TRAPPC9: variants seen among roughly 807,000 people sequenced by gnomAD.
TRAPPC9 encodes the protein IKK2 binding protein.
A neutral mutation model predicts 124.0 loss-of-function variants in TRAPPC9; 83 were observed. The observed-to-expected ratio is 0.67, with a 90% CI of 0.56 to 0.80. TRAPPC9 has a LOEUF of 0.80. TRAPPC9 is among the 30% of genes least tolerant of loss of function. TRAPPC9 has a pLI of 0.00. For synonymous variants in TRAPPC9, 638 were observed against 617.5 expected, an observed-to-expected ratio of 1.03 and a Z score of -0.49; for missense variants, 1,302 against 1,508.3, an observed-to-expected ratio of 0.86 and a Z score of 2.27.
At chr8:140,064,431 C>T (rs184920959) in intron 17 of TRAPPC9, among the ~76,000 whole-genome samples, 13 of 152,222 alleles carry the variant, frequency 8.5e-5, no homozygotes, top group African/African-American at 2.6e-4. Context: ...TATAAAGGCT[C>T]TTAGGAAACC....
chr8:140,336,011 A>G (rs1405231566), intron 9 of TRAPPC9, among the ~76,000 whole-genome samples: 1 of 152,056 alleles, frequency 6.6e-6, no homozygotes, highest in African/African-American at 2.4e-5. Flanking sequence ...CCTGGCCAAC[A>G]ATATTTTTTA....
intron 17 of TRAPPC9, among the ~76,000 whole-genome samples, chr8:140,218,493 T>C (rs1347846227): frequency 8.6e-5 from 13 of 152,002 alleles, no homozygotes; most frequent in Admixed American, 8.5e-4. Flanking sequence ...CTGTGGCATT[T>C]TAGACAGGGG....
At chr8:140,419,445 A>AAAAC (rs1554683862) in intron 5 of TRAPPC9, among the ~76,000 whole-genome samples, 1 of 145,332 alleles carries the variant, frequency 6.9e-6, no homozygotes, top group Non-Finnish European at 1.5e-5. Flanking sequence ...AAAAAAAAAA[A>AAAAC]AAAAAAACAA....
intron 9 of TRAPPC9, among the ~76,000 whole-genome samples, chr8:140,318,127 G>A (rs1428254560): frequency 6.6e-6 from 1 of 152,170 alleles, no homozygotes. Context: ...AAAAGCAAGA[G>A]ATGAAGTAAA....
chr8:140,037,099 A>C (rs1334552039), intron 17 of TRAPPC9, among the ~76,000 whole-genome samples: 1 of 152,062 alleles, frequency 6.6e-6, no homozygotes, highest in African/African-American at 2.4e-5. Context: ...GATGTATTTC[A>C]AATTTTTACA....
intron 6 of TRAPPC9, among the ~76,000 whole-genome samples, chr8:140,402,191 A>T (rs2069300994): frequency 6.6e-6 from 1 of 151,734 alleles, no homozygotes. Context: ...ACATGGACAG[A>T]CCCTGTCATT....
At chr8:139,748,979 C>T (rs552594289) in intron 21 of TRAPPC9, among the ~76,000 whole-genome samples, 65 of 152,120 alleles carry the variant, frequency 4.3e-4, no homozygotes, top group Admixed American at 7.9e-4. Context: ...AGCAGGGAGA[C>T]AGCAGGAGGA....
intron 17 of TRAPPC9, among the ~76,000 whole-genome samples, chr8:140,214,998 A>T (rs750040155): frequency 6.6e-6 from 1 of 152,202 alleles, no homozygotes; most frequent in Non-Finnish European, 1.5e-5. Flanking sequence ...GCTCTGTAAC[A>T]AGCTCATGGT....
chr8:140,009,938 A>T (rs1839014691), intron 18 of TRAPPC9, among the ~76,000 whole-genome samples: 1 of 152,162 alleles, frequency 6.6e-6, no homozygotes, highest in South Asian at 2.1e-4. Flanking sequence ...GGAGGGAGAG[A>T]GGGAGGGAAG....
intron 17 of TRAPPC9, among the ~76,000 whole-genome samples, chr8:140,141,559 C>T (rs1025844800): frequency 1.7e-4 from 26 of 152,210 alleles, no homozygotes; most frequent in African/African-American, 6.0e-4. Context: ...ACCCATGAGT[C>T]CTTCTAGATA....
Position 139,977,388 on chromosome 8 carries a change from G to A in TRAPPC9, c.2810+11338C>T, listed in dbSNP as rs375849035. 2.2e-3 allele frequency among the ~76,000 whole-genome samples: 329 copies of A among 152,126 alleles called. 1 individual carries two copies. The highest frequency in any genetic ancestry group is 0.013 in the East Asian group (64 of 5,094). ...TGTAATCCCAGCACTTTGGGAGGCC[G>A]AGGCGGGTGGATCACGAGGTCAGAT... On this transcript the variant is annotated intron_variant, in intron 19 of 22. Coordinates refer to ENST00000438773, the MANE Select transcript of TRAPPC9 (RefSeq NM_001160372.4).
At chr8:140,022,715 A>C (rs578255842) in intron 18 of TRAPPC9, among the ~76,000 whole-genome samples, 3 of 152,202 alleles carry the variant, frequency 2.0e-5, no homozygotes, top group African/African-American at 7.2e-5. Flanking sequence ...ATCCTGGCCA[A>C]GCTTCCCCAG....
intron 17 of TRAPPC9, among the ~76,000 whole-genome samples, chr8:140,094,506 C>A (rs1844796454): frequency 6.6e-6 from 1 of 152,188 alleles, no homozygotes; most frequent in Admixed American, 6.5e-5. Context: ...AAACGTCTTG[C>A]CTTTGGCCAC....
rs575291235 is a variant in TRAPPC9 at position 140,225,326 on chromosome 8, T to C, written c.2432-3743A>G. Reference sequence around the variant, plus strand: ...TTACAGGGTCAAATCCAGTATTTAGTTGACACGCACACAGTTTACACACAC... The same window carrying C: ...TTACAGGGTCAAATCCAGTATTTAGCTGACACGCACACAGTTTACACACAC... On this transcript the variant is annotated intron_variant, in intron 16 of 22. Coordinates refer to ENST00000438773, the MANE Select transcript of TRAPPC9 (RefSeq NM_001160372.4). Among the ~76,000 whole-genome samples the C allele has an allele frequency of 2.0e-5, 3 of 152,328 alleles. No individual in the cohort carries two copies. The South Asian group carries it at 6.2e-4, about 32-fold the overall frequency.
chr8:140,154,230 C>A (rs1656812264), intron 17 of TRAPPC9, among the ~76,000 whole-genome samples: 1 of 152,112 alleles, frequency 6.6e-6, no homozygotes, highest in African/African-American at 2.4e-5. Context: ...AATCTGTGAG[C>A]CATTACTGAT....
chr8:140,204,974 A>G (rs1036729457), intron 17 of TRAPPC9, among the ~76,000 whole-genome samples: 2 of 152,252 alleles, frequency 1.3e-5, no homozygotes, highest in Non-Finnish European at 2.9e-5. Context: ...CAGATGCCAG[A>G]AGGTTACGCT....
intron 9 of TRAPPC9, among the ~76,000 whole-genome samples, chr8:140,319,496 G>A (rs1315616543): frequency 6.6e-6 from 1 of 150,674 alleles, no homozygotes; most frequent in Non-Finnish European, 1.5e-5. Flanking sequence ...TTTTTTTTGA[G>A]ACAGGGTCTT....
intron 17 of TRAPPC9, among the ~76,000 whole-genome samples, chr8:140,164,678 T>C (rs1217530154): frequency 3.3e-5 from 5 of 152,156 alleles, no homozygotes; most frequent in African/African-American, 7.2e-5. Flanking sequence ...TGGGCCTCCG[T>C]GCAGCACAGG....
At chr8:140,436,218 C>T (rs541481072) in intron 3 of TRAPPC9, among the ~76,000 whole-genome samples, 9 of 152,164 alleles carry the variant, frequency 5.9e-5, no homozygotes, top group Middle Eastern at 3.4e-3. Flanking sequence ...TGATAAAACA[C>T]ACCTGTAGCC....
Sources: allele counts gnomAD v4.1 joint callset (sites outside exome capture counted in the v4.1 genomes callset), GRCh38; gene constraint gnomAD v4.1.1; transcripts MANE v1.5; gene names NCBI Gene and HGNC (gene_info 2026-07-23, HGNC 2026-07-21).